Variants in UBR3 observed in about 807,000 individuals in gnomAD.
UBR3 encodes E3 ubiquitin-protein ligase UBR3.
Under a neutral mutation model 243.2 loss-of-function variants are expected in UBR3, and 85 were observed. The ratio of observed to expected loss-of-function variants is 0.35; its 90% CI spans 0.29 to 0.42. The LOEUF is 0.42. Among genes scored for constraint, UBR3 ranks in the 10% least tolerant of loss-of-function variants. The pLI, the probability that UBR3 is intolerant of heterozygous loss-of-function variation, is 1.00. For synonymous variants in UBR3, 748 were observed against 799.8 expected (o/e 0.94, Z 1.09); for missense variants, 1,686 against 2,300.8 (o/e 0.73, Z 5.47).
chr2:169,888,038 A>G (rs970247453), intron 5 of UBR3, among the ~76,000 whole-genome samples: 13 of 151,232 alleles, frequency 8.6e-5, no homozygotes, highest in African/African-American at 2.9e-4. Flanking sequence ...TGCCTCCCAA[A>G]GTGCTGGGAT....
intron 1 of UBR3, among the ~76,000 whole-genome samples, chr2:169,842,090 T>C (rs2082313924): frequency 6.6e-6 from 1 of 152,088 alleles, no homozygotes; most frequent in African/African-American, 2.4e-5. Context: ...GGTTTGTGAG[T>C]GCACCAATCG....
At chr2:169,933,313 G>A (rs2086208193) in intron 19 of UBR3, among the ~76,000 whole-genome samples, 1 of 152,292 alleles carries the variant, frequency 6.6e-6, no homozygotes, top group Middle Eastern at 3.4e-3. Flanking sequence ...TTTTGAACCA[G>A]TAGGGGAGGC....
At chr2:170,045,022 A>G (rs760872482) in intron 32 of UBR3, among the ~76,000 whole-genome samples, 10 of 152,188 alleles carry the variant, frequency 6.6e-5, no homozygotes, top group Admixed American at 3.3e-4. Flanking sequence ...CATCCTTTAT[A>G]GGGAGTGTAT....
chr2:169,975,903 T>C (rs2088414768), intron 24 of UBR3, among the ~76,000 whole-genome samples: 1 of 139,886 alleles, frequency 7.1e-6, no homozygotes, highest in Non-Finnish European at 1.6e-5. Flanking sequence ...TATATATATA[T>C]ATATTCTCTT....
chr2:169,877,691 A>G, intron 4 of UBR3, 54 bp downstream of exon 4: 5 of 1,477,524 alleles, frequency 3.4e-6, no homozygotes, highest in African/African-American at 1.4e-5. Flanking sequence ...TTAAAACCAA[A>G]AAAACCTCTC....
At chr2:170,057,877 A>T (rs1214585485) in intron 33 of UBR3, among the ~76,000 whole-genome samples, 1 of 152,156 alleles carries the variant, frequency 6.6e-6, no homozygotes, top group African/African-American at 2.4e-5. Context: ...GATAGTCTGT[A>T]GGTTGATTTA....
chr2:169,897,219 C>A (rs991883796), intron 8 of UBR3, among the ~76,000 whole-genome samples: 68 of 152,072 alleles, frequency 4.5e-4, no homozygotes, highest in African/African-American at 1.6e-3. Context: ...CATAAATTTG[C>A]TGCTATCAGT....
In UBR3 at chr2:169,947,604, A is replaced by G; in HGVS notation, c.2973A>G (p.Ser991=). ...GGTTTCCTGGCAGTAACTTAGTGTC[A>G]AACATGCGACACTTTATAAACTATG... ...DSWFPGSNLV[S]NMRHFINYVR... is the part of the protein sequence containing the mutation. The change falls in exon 22 of 39, where the codon TCA becomes TCG. Residue 991 remains serine, a synonymous_variant. Coordinates refer to ENST00000272793, the MANE Select transcript of UBR3 (RefSeq NM_172070.4). 1 of 1,534,364 alleles carries G rather than the reference A, an allele frequency of 6.5e-7. No individual in the cohort carries two copies. Among genetic ancestry groups the G allele is most frequent in the Non-Finnish European group, 8.8e-7 (1 of 1,138,592 alleles).
In UBR3 at chr2:169,840,037, GTC is replaced by G. The variant is rs536705751; in HGVS notation, c.545+11989_545+11990del. Reference sequence around the variant, plus strand: ...GGTGGGAGGCTTGGACTGCTTCTGTGTCTCTTTGTTGTGCTTATCTGGGAGGG... The same window carrying G: ...GGTGGGAGGCTTGGACTGCTTCTGTGTCTTTGTTGTGCTTATCTGGGAGGG... On this transcript the variant is annotated intron_variant, in intron 1 of 38. Coordinates refer to ENST00000272793, the MANE Select transcript of UBR3 (RefSeq NM_172070.4). 2.0e-3 allele frequency among the ~76,000 whole-genome samples: 305 copies of G among 152,262 alleles called. 1 individual carries two copies. The highest frequency in any genetic ancestry group is 7.2e-3 in the African/African-American group (297 of 41,534).
chr2:169,834,846 C>G (rs2082036167), intron 1 of UBR3, among the ~76,000 whole-genome samples: 1 of 152,148 alleles, frequency 6.6e-6, no homozygotes, highest in Non-Finnish European at 1.5e-5. Context: ...TAATAAAATT[C>G]TGACACATTA....
chr2:169,943,473 C>T (rs1294127967), intron 20 of UBR3, among the ~76,000 whole-genome samples: 2 of 151,860 alleles, frequency 1.3e-5, no homozygotes, highest in African/African-American at 4.8e-5. Flanking sequence ...TGGTGGTGGG[C>T]GCCTGTAATC....
chr2:169,847,767 C>A (rs2082531248), intron 1 of UBR3, among the ~76,000 whole-genome samples: 1 of 152,210 alleles, frequency 6.6e-6, no homozygotes, highest in African/African-American at 2.4e-5. Context: ...ATCAGTTTGG[C>A]TGATGGGAAC....
At position 169,946,206 on chromosome 2, in the gene UBR3, C is replaced by A. The variant is rs546314759; in HGVS notation, c.2806-82C>A. On this transcript the variant is annotated intron_variant, in intron 20 of 38. Coordinates refer to ENST00000272793, the MANE Select transcript of UBR3 (RefSeq NM_172070.4). ...ATATTAAAGTACTTTTCGTCTAGAACAGTAAAATATTTTTGGATCTCTAAA... is the reference window on the plus strand; with the variant it reads ...ATATTAAAGTACTTTTCGTCTAGAAAAGTAAAATATTTTTGGATCTCTAAA... The A allele has an allele frequency of 1.0e-5, 8 of 786,090 alleles. No homozygotes were observed. The Admixed American group carries it at 1.4e-4, about 14-fold the overall frequency. 48.7% of individuals were successfully genotyped at this position (786,090 alleles called of 1,614,324 possible). A position where few individuals can be genotyped will look rare whatever the true frequency, so the allele number is the denominator to read the frequency against.
At chr2:170,069,674 T>C (rs560407617) in intron 35 of UBR3, among the ~76,000 whole-genome samples, 1 of 152,170 alleles carries the variant, frequency 6.6e-6, no homozygotes, top group African/African-American at 2.4e-5. Flanking sequence ...TATTTGTCTC[T>C]CTGTGACTGG....
rs537706020 is a variant in UBR3 at position 169,831,840 on chromosome 2, G to A, written c.545+3788G>A. Among the ~76,000 whole-genome samples the A allele has an allele frequency of 5.3e-5, 8 of 152,270 alleles. No individual in the cohort carries two copies. The South Asian group carries it at 1.7e-3, about 32-fold the overall frequency. ...GGTATTTTAAAAACCCCTTTAGATT[G>A]CCAAAGATTGAATGTGTGTTGATTT... is the stretch of plus-strand genomic sequence containing the variant. On this transcript the variant is annotated intron_variant, in intron 1 of 38. Coordinates refer to ENST00000272793, the MANE Select transcript of UBR3 (RefSeq NM_172070.4).
chr2:170,035,198 A>T (rs993392190), intron 31 of UBR3, among the ~76,000 whole-genome samples: 6 of 151,946 alleles, frequency 3.9e-5, no homozygotes, highest in Non-Finnish European at 7.4e-5. Context: ...CTTATCAGTT[A>T]TTTATTTCAT....
intron 24 of UBR3, among the ~76,000 whole-genome samples, chr2:169,985,818 C>T (rs1210227822): frequency 6.6e-6 from 1 of 151,936 alleles, no homozygotes; most frequent in African/African-American, 2.4e-5. Flanking sequence ...TTTAAAATAT[C>T]TAAACTTGAC....
intron 11 of UBR3, among the ~76,000 whole-genome samples, chr2:169,920,586 G>C (rs2085659891): frequency 6.6e-6 from 1 of 152,148 alleles, no homozygotes; most frequent in Admixed American, 6.6e-5. Flanking sequence ...CCTTTGCTTT[G>C]CCCTGAGTGT....
chr2:170,001,183 A>G, intron 26 of UBR3, 121 bp from the exon 27 acceptor site: 1 of 677,864 alleles, frequency 1.5e-6, no homozygotes, highest in Non-Finnish European at 2.4e-6. Context: ...TCACAAGAAT[A>G]GAAACTCCAC....
Sources: gnomAD v4.1 joint callset for allele counts (sites outside exome capture counted in the v4.1 genomes callset) on GRCh38, gnomAD v4.1.1 for gene constraint, MANE v1.5 for transcripts, NCBI Gene and HGNC (gene_info 2026-07-23, HGNC 2026-07-21) for gene names.